The following RMDN2 variants were observed in gnomAD, a reference collection of about 807,000 sequenced individuals.
RMDN2 encodes the protein regulator of microtubule dynamics protein 2.
In RMDN2, 61 loss-of-function variants were observed where a neutral mutation model predicts 52.8. That is an observed-to-expected ratio of 1.16 (90% CI 0.94 to 1.43). The LOEUF is 1.43. Among genes scored for constraint, RMDN2 ranks in the 40% most tolerant of loss-of-function variants. RMDN2 has a pLI of 0.00. For missense variants in RMDN2, 592 were observed against 475.3 expected (o/e 1.25, Z -2.28); for synonymous variants, 180 against 153.1 (o/e 1.18, Z -1.30).
In RMDN2 at chr2:37,984,479, C is replaced by T. The variant is rs150760673; in HGVS notation, c.791+3136C>T. Among the ~76,000 whole-genome samples the T allele has an allele frequency of 6.7e-3, 1,018 of 152,182 alleles. 6 individuals are homozygous for T. Among genetic ancestry groups the T allele is most frequent in the African/African-American group, 0.023 (959 of 41,522 alleles). ...GGTACTGTGTGTATGTGTGCATGCA[C>T]GCATGAATGTGTGTATTGATTAGTA... is the stretch of plus-strand genomic sequence containing the variant. On this transcript the variant is annotated intron_variant, in intron 5 of 10. Transcript: ENST00000354545.
In RMDN2 at chr2:37,946,914, A is replaced by G. The variant is rs550557989; in HGVS notation, c.452+17185A>G. Among the ~76,000 whole-genome samples, 3 of 152,290 alleles carry G rather than the reference A, an allele frequency of 2.0e-5. No homozygotes were observed. In the South Asian group the frequency reaches 6.2e-4, roughly 32 times the overall value. ...TTGTTGACCTAGAATATATACTTAT[A>G]GTTTTCATTGTTTCAAAACTACATC... On this transcript the variant is annotated intron_variant, in intron 2 of 10. Transcript: ENST00000354545.
At chr2:37,999,385 C>G (rs752217681) in intron 8 of RMDN2, among the ~76,000 whole-genome samples, 6 of 152,010 alleles carry the variant, frequency 3.9e-5, no homozygotes, top group Non-Finnish European at 8.8e-5. Context: ...TGCCTAGCAC[C>G]CAGTAAGTCC....
chr2:38,007,283 C>G (rs1189730318), intron 10 of RMDN2, among the ~76,000 whole-genome samples: 1 of 152,152 alleles, frequency 6.6e-6, no homozygotes, highest in Non-Finnish European at 1.5e-5. Context: ...AGGAATGGTA[C>G]CAGCTCCTCC....
chr2:38,029,961 G>C (rs138270272), intron 10 of RMDN2: 1 of 152,112 alleles, frequency 6.6e-6, no homozygotes, highest in African/African-American at 2.4e-5. Context: ...AGCGAAAGGG[G>C]TTTTGCCTTA....
rs745905414 is a variant in RMDN2 at position 37,975,274 on chromosome 2, A to G, written c.690A>G (p.Leu230=). The change falls in exon 4 of 11, where the codon CTA becomes CTG. Residue 230 remains leucine (L), a synonymous_variant. Coordinates refer to ENST00000354545, the MANE Select transcript of RMDN2 (RefSeq NM_001170791.3). ...FARAYGDMYE[L]STNTQEKKHY... ...GTGCTTATGGAGACATGTATGAACT[A>G]TCTACAAACACACAAGAAAAGAAAC... The G allele has an allele frequency of 1.9e-6, 3 of 1,608,688 alleles. No homozygotes were observed. The highest frequency in any genetic ancestry group is 3.3e-5 in the Admixed American group (2 of 60,006).
intron 2 of RMDN2, among the ~76,000 whole-genome samples, chr2:37,970,622 T>C (rs796299122): frequency 2.6e-5 from 4 of 152,292 alleles, no homozygotes; most frequent in African/African-American, 9.6e-5. Flanking sequence ...TTTGGATATA[T>C]GGCAGATTTC....
chr2:38,060,276 A>G (rs1681997899), intron 10 of RMDN2, among the ~76,000 whole-genome samples: 1 of 152,008 alleles, frequency 6.6e-6, no homozygotes, highest in Admixed American at 6.6e-5. Flanking sequence ...GCCTTGATAG[A>G]CGTTTCCAGA....
At chr2:37,996,951 C>G (rs1273634960) in intron 7 of RMDN2, among the ~76,000 whole-genome samples, 2 of 152,214 alleles carry the variant, frequency 1.3e-5, no homozygotes, top group East Asian at 1.9e-4. Flanking sequence ...GAGATGCTAC[C>G]TCTGGGTCAG....
chr2:37,923,226 T>A (rs1445244820), upstream of RMDN2: 1 of 152,244 alleles, frequency 6.6e-6, no homozygotes, highest in African/African-American at 2.4e-5. Flanking sequence ...TCACTGTCCC[T>A]GAGTTTCTAC....
intron 2 of RMDN2, among the ~76,000 whole-genome samples, chr2:37,955,792 T>A (rs1430388064): frequency 6.6e-6 from 1 of 152,142 alleles, no homozygotes; most frequent in Admixed American, 6.6e-5. Flanking sequence ...CTCTTTTTTC[T>A]TCCCAGTCTC....
chr2:38,053,267 T>A (rs1681703971), intron 10 of RMDN2, among the ~76,000 whole-genome samples: 1 of 152,160 alleles, frequency 6.6e-6, no homozygotes, highest in African/African-American at 2.4e-5. Flanking sequence ...CAGCCTCACT[T>A]ACCTAAGACC....
At chr2:38,041,397 T>A (rs1680938716) in intron 10 of RMDN2, among the ~76,000 whole-genome samples, 1 of 151,546 alleles carries the variant, frequency 6.6e-6, no homozygotes. Flanking sequence ...AAAGACAGTT[T>A]TATTTCTTCT....
chr2:37,956,368 T>C (rs1033950511), intron 2 of RMDN2, among the ~76,000 whole-genome samples: 1 of 152,120 alleles, frequency 6.6e-6, no homozygotes. Context: ...ATAATCCTTT[T>C]TATTTCTATA....
At chr2:38,046,471 G>T (rs1013833645) in intron 10 of RMDN2, among the ~76,000 whole-genome samples, 1 of 151,926 alleles carries the variant, frequency 6.6e-6, no homozygotes, top group African/African-American at 2.4e-5. Context: ...GACTAGAAAT[G>T]TCCAAAATTT....
At position 38,001,230 on chromosome 2, in the gene RMDN2, G is replaced by T. The variant is rs190479200; in HGVS notation, c.1045-2761G>T. 1.2e-4 allele frequency among the ~76,000 whole-genome samples: 19 copies of T among 152,318 alleles called. No individual in the cohort carries two copies. In the East Asian group the frequency reaches 3.5e-3, roughly 28 times the overall value. On this transcript the variant is annotated intron_variant, in intron 8 of 10. Transcript: ENST00000354545. Reference sequence around the variant, plus strand: ...TGCCAAACATGGCATCAAATACTGGGAACACAGAAATGACCAACAAAGTTC... The same window carrying T: ...TGCCAAACATGGCATCAAATACTGGTAACACAGAAATGACCAACAAAGTTC...
rs1442869400 is a variant in RMDN2, at chr2:37,931,050, A to G, written c.452+1321A>G. On this transcript the variant is annotated intron_variant, in intron 2 of 10. Coordinates refer to ENST00000354545, the MANE Select transcript of RMDN2 (RefSeq NM_001170791.3). Reference sequence around the variant, plus strand: ...TCTCTTTTCTGAGTCACAGTTTCAAATGATTTAAGATTATTTTAGATTCCT... The same window carrying G: ...TCTCTTTTCTGAGTCACAGTTTCAAGTGATTTAAGATTATTTTAGATTCCT... Among the ~76,000 whole-genome samples the G allele has an allele frequency of 9.6e-5, 14 of 145,872 alleles. No individual in the cohort carries two copies. The Admixed American group carries it at 9.8e-4, about 10-fold the overall frequency.
chr2:37,974,289 A>C, intron 3 of RMDN2, 75 bp downstream of exon 3: 1 of 938,848 alleles, frequency 1.1e-6, no homozygotes, highest in East Asian at 2.9e-5. Context: ...AGTTATAACT[A>C]TAATAATTGT....
At chr2:37,963,760 C>G (rs1008983565) in intron 2 of RMDN2, among the ~76,000 whole-genome samples, 1 of 152,216 alleles carries the variant, frequency 6.6e-6, no homozygotes, top group African/African-American at 2.4e-5. Context: ...TATCTTTTCC[C>G]CACATTTCCC....
At chr2:37,966,045 T>C (rs1670995921) in intron 2 of RMDN2, among the ~76,000 whole-genome samples, 1 of 152,206 alleles carries the variant, frequency 6.6e-6, no homozygotes, top group Non-Finnish European at 1.5e-5. Flanking sequence ...TGAGATTCTT[T>C]TTGTCTTTAG....
Sources: gnomAD v4.1 joint callset for allele counts (sites outside exome capture counted in the v4.1 genomes callset) on GRCh38, gnomAD v4.1.1 for gene constraint, MANE v1.5 for transcripts, NCBI Gene and HGNC (gene_info 2026-07-23, HGNC 2026-07-21) for gene names.